Variants in ADCY9 observed in about 807,000 individuals in gnomAD.
ADCY9 encodes adenylate cyclase type 9.
A neutral mutation model predicts 101.5 loss-of-function variants in ADCY9; 50 were observed. The ratio of observed to expected loss-of-function variants is 0.49; its 90% CI spans 0.39 to 0.62. The LOEUF (loss-of-function observed/expected upper bound fraction) is 0.62, where lower values mean the gene tolerates loss of function less well. ADCY9 is among the 20% of genes least tolerant of loss of function. ADCY9 has a pLI of 0.00. For missense variants in ADCY9, 1,662 were observed against 1,800.4 expected (o/e 0.92, Z 1.39); for synonymous variants, 905 against 769.3 (o/e 1.18, Z -2.92).
chr16:4,039,038 A>C (rs1044842597), intron 2 of ADCY9, among the ~76,000 whole-genome samples: 2 of 152,214 alleles, frequency 1.3e-5, no homozygotes, highest in Non-Finnish European at 2.9e-5. Context: ...AATACGGATT[A>C]TGTGTCAAAC....
chr16:4,001,276 TC>T (rs1385045289), intron 3 of ADCY9, among the ~76,000 whole-genome samples: 1 of 152,190 alleles, frequency 6.6e-6, no homozygotes. Context: ...CTATGGGGGT[TC>T]CTCTGTCTTT....
chr16:4,081,850 G>A (rs540919433), intron 2 of ADCY9, among the ~76,000 whole-genome samples: 5 of 151,092 alleles, frequency 3.3e-5, no homozygotes, highest in Non-Finnish European at 7.4e-5. Flanking sequence ...GTCTGCAGTG[G>A]CGTGTGGGTA....
At chr16:4,098,239 T>G (rs447361) in intron 2 of ADCY9, among the ~76,000 whole-genome samples, 87,665 of 151,400 alleles carry the variant, frequency 0.58, 26,339 homozygotes, top group South Asian at 0.67. Flanking sequence ...GTTTTGTTTT[T>G]GTTTTTGGTT....
intron 2 of ADCY9, among the ~76,000 whole-genome samples, chr16:4,049,549 T>C (rs1229741030): frequency 6.6e-6 from 1 of 152,178 alleles, no homozygotes; most frequent in Non-Finnish European, 1.5e-5. Flanking sequence ...TCTAACATAC[T>C]TCTGAGCCGA....
intron 2 of ADCY9, chr16:4,031,883 T>C (rs2056557584): frequency 6.6e-6 from 1 of 150,890 alleles, no homozygotes; most frequent in Non-Finnish European, 1.5e-5. Context: ...TCTCAATAAA[T>C]AAATAAAATT....
rs1234042642 is a variant in ADCY9, at chr16:3,965,726, T to TA, written c.*48dup. On this transcript the variant is annotated 3_prime_UTR_variant, in exon 11 of 11. Transcript: ENST00000294016. ...AAGCACAACAGCCAAATACAAATAT[T>TA]ACTGTGTTTCGACAAACAGAGCACC... 2 of 1,531,486 alleles carry TA rather than the reference T, an allele frequency of 1.3e-6. No homozygotes were observed. The highest frequency in any genetic ancestry group is 2.3e-5 in the East Asian group (1 of 44,316). The allele number at this position is 1,531,486 out of a possible 1,614,324, so 94.9% of individuals were successfully genotyped here.
rs1427598890 is a variant in ADCY9, at chr16:4,041,529, GA to G, written c.1694-33972del. Among the ~76,000 whole-genome samples the G allele has an allele frequency of 6.9e-3, 811 of 116,938 alleles. 14 individuals are homozygous for G. The highest frequency in any genetic ancestry group is 0.025 in the African/African-American group (769 of 30,486). The allele number at this position is 116,938 out of a possible 152,430, so 76.7% of individuals were successfully genotyped here. Reference sequence around the variant, plus strand: ...ACCAAAAAAAAAAAAAAAAAAAAAAGAGGCTCTTTCTAAACTTTTAAATCTA... The same window carrying G: ...ACCAAAAAAAAAAAAAAAAAAAAAAGGGCTCTTTCTAAACTTTTAAATCTA... On this transcript the variant is annotated intron_variant, in intron 2 of 10. Transcript: ENST00000294016.
chr16:4,113,610 C>G, intron 2 of ADCY9, 140 bp downstream of exon 2: 1 of 1,146,482 alleles, frequency 8.7e-7, no homozygotes, highest in Non-Finnish European at 1.2e-6. Flanking sequence ...AAAAGTCACA[C>G]TGACCCTGAG....
chr16:4,071,630 C>T (rs754409810), intron 2 of ADCY9, among the ~76,000 whole-genome samples: 4 of 152,112 alleles, frequency 2.6e-5, no homozygotes, highest in Non-Finnish European at 5.9e-5. Context: ...AGATTCTAGC[C>T]TTAACCATTG....
chr16:4,102,863 A>T (rs532220665), intron 2 of ADCY9, among the ~76,000 whole-genome samples: 104 of 152,082 alleles, frequency 6.8e-4, no homozygotes, highest in African/African-American at 2.5e-3. Flanking sequence ...CTGGGATTAC[A>T]GGTGCCCACC....
At chr16:4,022,054 G>A (rs2056480697) in intron 2 of ADCY9, among the ~76,000 whole-genome samples, 1 of 152,194 alleles carries the variant, frequency 6.6e-6, no homozygotes, top group Non-Finnish European at 1.5e-5. Flanking sequence ...TCCAGCAGCT[G>A]ACTAGCCTTC....
chr16:4,041,455 G>A (rs1347217759), intron 2 of ADCY9, among the ~76,000 whole-genome samples: 1 of 137,268 alleles, frequency 7.3e-6, no homozygotes, highest in Non-Finnish European at 1.5e-5. Flanking sequence ...AGTGAGCTGA[G>A]ATCACTGGGC....
chr16:4,030,339 C>T (rs925610018), intron 2 of ADCY9, among the ~76,000 whole-genome samples: 1 of 152,030 alleles, frequency 6.6e-6, no homozygotes, highest in African/African-American at 2.4e-5. Flanking sequence ...GAAGGAACCC[C>T]AGCGTAAGCA....
At chr16:3,994,819 A>G (rs1220390503) in intron 3 of ADCY9, among the ~76,000 whole-genome samples, 2 of 152,182 alleles carry the variant, frequency 1.3e-5, no homozygotes, top group Admixed American at 6.5e-5. Flanking sequence ...AAGTAAAGAA[A>G]CTGGCCACCA....
At chr16:3,979,307 C>CG (rs1567419766) in intron 7 of ADCY9, 32 bp from the exon 8 acceptor site, 7 of 1,609,220 alleles carry the variant, frequency 4.3e-6, no homozygotes, top group Non-Finnish European at 5.9e-6. Context: ...GCAGGAGCGA[C>CG]GGGGCCCGGG....
At chr16:4,059,284 G>C (rs1366569383) in intron 2 of ADCY9, among the ~76,000 whole-genome samples, 1 of 151,354 alleles carries the variant, frequency 6.6e-6, no homozygotes, top group African/African-American at 2.4e-5. Context: ...GGGAGGCTGA[G>C]GCAGGAGAAG....
intron 2 of ADCY9, among the ~76,000 whole-genome samples, chr16:4,069,412 T>G (rs1164253704): frequency 1.3e-5 from 2 of 151,880 alleles, no homozygotes; most frequent in Admixed American, 1.3e-4. Context: ...AACATCTACT[T>G]CTCGGGGGAG....
chr16:4,027,738 G>A (rs749272169), intron 2 of ADCY9, among the ~76,000 whole-genome samples: 1 of 152,218 alleles, frequency 6.6e-6, no homozygotes, highest in Non-Finnish European at 1.5e-5. Flanking sequence ...TTAGCTGGGT[G>A]TGGTGGTCCA....
intron 2 of ADCY9, among the ~76,000 whole-genome samples, chr16:4,098,372 T>C (rs1390170636): frequency 6.6e-6 from 1 of 152,050 alleles, no homozygotes; most frequent in African/African-American, 2.4e-5. Context: ...TAGCTGGGAC[T>C]ACAGGTGCAC....
Sources: gnomAD v4.1 joint callset for allele counts (sites outside exome capture counted in the v4.1 genomes callset) on GRCh38, gnomAD v4.1.1 for gene constraint, MANE v1.5 for transcripts, NCBI Gene and HGNC (gene_info 2026-07-23, HGNC 2026-07-21) for gene names.